Variants in FHIT observed in about 807,000 individuals in gnomAD.
FHIT encodes fragile histidine triad diadenosine triphosphatase.
Under a neutral mutation model 17.9 loss-of-function variants are expected in FHIT, and 19 were observed. That is an observed-to-expected ratio of 1.06 (90% CI 0.74 to 1.56). The LOEUF is 1.56. Ranked by LOEUF, FHIT falls within the 40% of genes most tolerant of loss-of-function variation. FHIT has a pLI of 0.00. For missense variants in FHIT, 248 were observed against 189.2 expected (o/e 1.31, Z -1.82); for synonymous variants, 81 against 69.7 (o/e 1.16, Z -0.81).
intron 8 of FHIT, among the ~76,000 whole-genome samples, chr3:59,755,642 G>T (rs926447286): frequency 6.6e-6 from 1 of 152,104 alleles, no homozygotes; most frequent in Non-Finnish European, 1.5e-5. Flanking sequence ...TAATGCCAGG[G>T]GCCAGACCTA....
chr3:61,036,519 C>T (rs1480839205), intron 3 of FHIT, among the ~76,000 whole-genome samples: 2 of 152,166 alleles, frequency 1.3e-5, no homozygotes, highest in African/African-American at 4.8e-5. Flanking sequence ...AAAAGCTTGG[C>T]ATTCTGCTTT....
At chr3:59,923,862 G>C (rs1416782277) in intron 7 of FHIT, among the ~76,000 whole-genome samples, 1 of 152,168 alleles carries the variant, frequency 6.6e-6, no homozygotes, top group African/African-American at 2.4e-5. Context: ...GTGCAACGTG[G>C]TCCAAGGTGA....
At chr3:59,764,727 CT>C (rs71089561) in intron 8 of FHIT, among the ~76,000 whole-genome samples, 91,074 of 151,096 alleles carry the variant, frequency 0.6, 28,884 homozygotes, top group East Asian at 0.86. Flanking sequence ...ATTTCAAATG[CT>C]TTTTTTTTTC....
intron 4 of FHIT, among the ~76,000 whole-genome samples, chr3:60,619,951 T>A (rs1182940622): frequency 3.9e-5 from 6 of 151,978 alleles, no homozygotes; most frequent in Admixed American, 2.6e-4. Context: ...ATATTTTTTT[T>A]AAAGTCTTAA....
At chr3:59,995,204 A>G (rs1699456307) in intron 7 of FHIT, among the ~76,000 whole-genome samples, 1 of 151,698 alleles carries the variant, frequency 6.6e-6, no homozygotes. Context: ...GGCATTTAGA[A>G]AAAAAAAACA....
At chr3:60,838,876 G>C (rs781913101) in intron 3 of FHIT, among the ~76,000 whole-genome samples, 1 of 152,136 alleles carries the variant, frequency 6.6e-6, no homozygotes, top group African/African-American at 2.4e-5. Context: ...CTGCTTGAGA[G>C]AATCAGTGAA....
chr3:60,513,966 C>T lies in FHIT; in HGVS notation c.103+22894G>A, dbSNP rs576033078. On this transcript the variant is annotated intron_variant, in intron 5 of 9. Coordinates refer to ENST00000492590, the MANE Select transcript of FHIT (RefSeq NM_002012.4). The stretch of plus-strand genomic sequence containing the variant: ...GTCTGAACGTGGAGAGGACAAGAGG[C>T]AGCTGGACATCGGAGACTAGGTTGG... 1.2e-4 allele frequency among the ~76,000 whole-genome samples: 18 copies of T among 152,320 alleles called. No homozygotes were observed. In the South Asian group the frequency reaches 3.7e-3, roughly 32 times the overall value.
chr3:60,872,527 T>C (rs1553755245), intron 3 of FHIT, among the ~76,000 whole-genome samples: 1 of 152,164 alleles, frequency 6.6e-6, no homozygotes, highest in Non-Finnish European at 1.5e-5. Flanking sequence ...CAAAAATACA[T>C]TACTCTCTGC....
At chr3:59,923,009 C>T (rs1001675158) in intron 7 of FHIT, among the ~76,000 whole-genome samples, 4 of 151,908 alleles carry the variant, frequency 2.6e-5, no homozygotes, top group African/African-American at 9.7e-5. Flanking sequence ...CCTGTAATCC[C>T]AGCACTTTGG....
At chr3:61,198,770 T>C (rs1309967255) in intron 2 of FHIT, among the ~76,000 whole-genome samples, 1 of 152,182 alleles carries the variant, frequency 6.6e-6, no homozygotes, top group Non-Finnish European at 1.5e-5. Flanking sequence ...AAGCAGAATT[T>C]TCCCTTCTTT....
At chr3:60,127,182 C>A (rs1487279146) in intron 5 of FHIT, among the ~76,000 whole-genome samples, 1 of 152,100 alleles carries the variant, frequency 6.6e-6, no homozygotes, top group African/African-American at 2.4e-5. Flanking sequence ...AGAACTCAGC[C>A]CACGCAATGT....
chr3:60,134,961 G>A (rs1699751514), intron 5 of FHIT, among the ~76,000 whole-genome samples: 1 of 152,012 alleles, frequency 6.6e-6, no homozygotes, highest in African/African-American at 2.4e-5. Context: ...AAAGAGAAAG[G>A]TGGACAGGAA....
intron 3 of FHIT, among the ~76,000 whole-genome samples, chr3:60,925,178 G>A (rs1023579564): frequency 6.6e-6 from 1 of 152,114 alleles, no homozygotes; most frequent in Non-Finnish European, 1.5e-5. Context: ...AGCAAGGACG[G>A]CCAACATTCA....
intron 5 of FHIT, among the ~76,000 whole-genome samples, chr3:60,249,689 G>GAGACACACACACAC (rs577200159): frequency 2.2e-5 from 3 of 137,320 alleles, no homozygotes; most frequent in Admixed American, 7.2e-5. Flanking sequence ...ATACAGCCAA[G>GAGACACACACACAC]ACACACACAC....
intron 5 of FHIT, among the ~76,000 whole-genome samples, chr3:60,500,149 T>C (rs765473676): frequency 2.0e-5 from 3 of 152,340 alleles, no homozygotes; most frequent in Middle Eastern, 3.4e-3. Context: ...CAAACCTGCC[T>C]GATACCTATT....
At chr3:60,671,590 A>G (rs2040505414) in intron 4 of FHIT, among the ~76,000 whole-genome samples, 1 of 152,156 alleles carries the variant, frequency 6.6e-6, no homozygotes, top group African/African-American at 2.4e-5. Flanking sequence ...TTGAAAAAAA[A>G]ATCCCGCTCT....
chr3:60,110,310 C>G (rs1382077797), intron 5 of FHIT, among the ~76,000 whole-genome samples: 1 of 152,122 alleles, frequency 6.6e-6, no homozygotes, highest in South Asian at 2.1e-4. Flanking sequence ...AAGTCACAAT[C>G]TCTCAACTCA....
intron 5 of FHIT, among the ~76,000 whole-genome samples, chr3:60,138,328 T>C (rs1699900466): frequency 6.6e-6 from 1 of 152,186 alleles, no homozygotes; most frequent in Middle Eastern, 3.2e-3. Flanking sequence ...GTTATTTGGC[T>C]GTGACTGAGA....
chr3:60,773,695 T>C (rs1262654603), intron 4 of FHIT, among the ~76,000 whole-genome samples: 1 of 152,270 alleles, frequency 6.6e-6, no homozygotes, highest in African/African-American at 2.4e-5. Context: ...ATCATCTGAT[T>C]CCCTTTTGTT....
Sources: gnomAD v4.1 joint callset for allele counts (sites outside exome capture counted in the v4.1 genomes callset) on GRCh38, gnomAD v4.1.1 for gene constraint, MANE v1.5 for transcripts, NCBI Gene and HGNC (gene_info 2026-07-23, HGNC 2026-07-21) for gene names.